NELL1: variants seen among roughly 807,000 people sequenced by gnomAD.
NELL1 encodes the protein protein kinase C-binding protein NELL1.
Under a neutral mutation model 107.4 loss-of-function variants are expected in NELL1, and 76 were observed. The ratio of observed to expected loss-of-function variants is 0.71; its 90% confidence interval spans 0.59 to 0.86. NELL1 has a LOEUF of 0.86. Ranked by LOEUF, NELL1 falls within the 40% of genes least tolerant of loss-of-function variation. The pLI, the probability that NELL1 is intolerant of heterozygous loss-of-function variation, is 0.00. For synonymous variants in NELL1, 353 were observed against 341.2 expected, an observed-to-expected ratio of 1.03 and a Z score of -0.38; for missense variants, 1,024 against 1,005.5, an observed-to-expected ratio of 1.02 and a Z score of -0.25.
chr11:21,546,383 G>A (rs188650985), intron 16 of NELL1, among the ~76,000 whole-genome samples: 34 of 152,072 alleles, frequency 2.2e-4, no homozygotes, highest in African/African-American at 7.5e-4. Flanking sequence ...CAAAGATCAT[G>A]TCTAAACAGC....
chr11:20,744,285 GT>G (rs1855954265), intron 2 of NELL1, among the ~76,000 whole-genome samples: 1 of 152,124 alleles, frequency 6.6e-6, no homozygotes, highest in South Asian at 2.1e-4. Context: ...GACTTTTAAA[GT>G]TGTAAAGTTT....
At chr11:20,846,505 A>ATCAGGCCCAAC (rs1414288234) in intron 3 of NELL1, among the ~76,000 whole-genome samples, 1 of 152,124 alleles carries the variant, frequency 6.6e-6, no homozygotes, top group Non-Finnish European at 1.5e-5. Flanking sequence ...ATCGCTCTGG[A>ATCAGGCCCAAC]GTTGACCATA....
intron 12 of NELL1, among the ~76,000 whole-genome samples, chr11:21,020,081 G>GGA (rs1232939990): frequency 1.3e-5 from 2 of 152,024 alleles, no homozygotes; most frequent in African/African-American, 2.4e-5. Context: ...ACTATACAAT[G>GGA]GAGATATGAG....
chr11:21,139,983 G>C (rs1204735175), intron 13 of NELL1, among the ~76,000 whole-genome samples: 2 of 152,054 alleles, frequency 1.3e-5, no homozygotes, highest in Non-Finnish European at 2.9e-5. Flanking sequence ...TGAGTGTCAA[G>C]AACAACATTA....
chr11:20,786,035 ATT>A (rs34120722), intron 3 of NELL1, among the ~76,000 whole-genome samples: 91,062 of 143,730 alleles, frequency 0.63, 31,019 homozygotes, highest in East Asian at 0.82. Flanking sequence ...AAACTTCAGA[ATT>A]TTTTTTTTTT....
At chr11:21,421,668 C>G (rs915068282) in intron 15 of NELL1, among the ~76,000 whole-genome samples, 12 of 151,954 alleles carry the variant, frequency 7.9e-5, no homozygotes, top group Non-Finnish European at 1.6e-4. Context: ...AAAGAGCCAG[C>G]TTTCACATTG....
At chr11:20,713,780 T>C (rs1437117719) in intron 2 of NELL1, among the ~76,000 whole-genome samples, 4 of 152,212 alleles carry the variant, frequency 2.6e-5, no homozygotes. Context: ...AGGATGCCTA[T>C]AATTATAATA....
chr11:20,938,668 T>TG (rs1243895667), intron 10 of NELL1, among the ~76,000 whole-genome samples: 1 of 151,976 alleles, frequency 6.6e-6, no homozygotes, highest in Non-Finnish European at 1.5e-5. Context: ...CCTAGGTAGA[T>TG]GAGGGAGAAG....
chr11:21,459,087 C>T (rs75798160), intron 15 of NELL1, among the ~76,000 whole-genome samples: 98 of 152,036 alleles, frequency 6.4e-4, no homozygotes, highest in African/African-American at 2.0e-3. Flanking sequence ...ACAGTCCAGT[C>T]GTGAGCCTTC....
chr11:21,141,123 C>T (rs1855856990), intron 13 of NELL1, among the ~76,000 whole-genome samples: 1 of 152,140 alleles, frequency 6.6e-6, no homozygotes, highest in South Asian at 2.1e-4. Context: ...CCAGCTTGTA[C>T]CCATATGCAC....
At chr11:20,764,166 ATCCAGAACTTT>A (rs1856482427) in intron 2 of NELL1, among the ~76,000 whole-genome samples, 1 of 152,240 alleles carries the variant, frequency 6.6e-6, no homozygotes, top group Non-Finnish European at 1.5e-5. Context: ...CATAACAGCT[ATCCAGAACTTT>A]TTTATTTTGC....
chr11:21,550,380 A>C (rs1248688886), intron 16 of NELL1, among the ~76,000 whole-genome samples: 2 of 151,822 alleles, frequency 1.3e-5, no homozygotes, highest in African/African-American at 4.8e-5. Flanking sequence ...TTTTGTTGCC[A>C]TTGCTTTTGG....
intron 2 of NELL1, among the ~76,000 whole-genome samples, chr11:20,735,064 A>G (rs1417116958): frequency 6.6e-6 from 1 of 152,176 alleles, no homozygotes; most frequent in Admixed American, 6.5e-5. Context: ...AATTAGTATT[A>G]GGAAGAGAAG....
intron 5 of NELL1, among the ~76,000 whole-genome samples, chr11:20,899,072 C>G (rs1483473047): frequency 6.6e-6 from 1 of 152,026 alleles, no homozygotes; most frequent in Non-Finnish European, 1.5e-5. Context: ...ATACTTCTCG[C>G]AATAACTTAT....
intron 16 of NELL1, among the ~76,000 whole-genome samples, chr11:21,557,092 A>C (rs537433703): frequency 6.6e-6 from 1 of 152,090 alleles, no homozygotes; most frequent in African/African-American, 2.4e-5. Flanking sequence ...GTGCAGAGCA[A>C]ACAGGTCTGT....
At chr11:21,140,073 C>T (rs1049772186) in intron 13 of NELL1, among the ~76,000 whole-genome samples, 1 of 152,070 alleles carries the variant, frequency 6.6e-6, no homozygotes, top group Non-Finnish European at 1.5e-5. Context: ...TTCAGGAGCT[C>T]CCCAGCTTGT....
chr11:21,539,046 C>G (rs1229253609), intron 16 of NELL1, among the ~76,000 whole-genome samples: 1 of 152,046 alleles, frequency 6.6e-6, no homozygotes, highest in Non-Finnish European at 1.5e-5. Flanking sequence ...CTGATGAAGT[C>G]TTACTCTGTA....
At chr11:21,112,109 G>A (rs955983135) in intron 12 of NELL1, among the ~76,000 whole-genome samples, 4 of 151,994 alleles carry the variant, frequency 2.6e-5, no homozygotes, top group Admixed American at 6.6e-5. Flanking sequence ...AACCTCTGTG[G>A]TTGGCCTGCA....
intron 2 of NELL1, among the ~76,000 whole-genome samples, chr11:20,701,908 G>C (rs975411842): frequency 2.6e-5 from 4 of 152,152 alleles, no homozygotes; most frequent in Non-Finnish European, 5.9e-5. Flanking sequence ...TTTGGTTACT[G>C]TAGCCTTGTA....
Sources: allele counts gnomAD v4.1 joint callset (sites outside exome capture counted in the v4.1 genomes callset), GRCh38; gene constraint gnomAD v4.1.1; transcripts MANE v1.5; gene names NCBI Gene and HGNC (gene_info 2026-07-23, HGNC 2026-07-21).